Variants in SEPTIN6 observed in about 807,000 individuals in gnomAD.
The protein encoded by SEPTIN6 is septin-6.
Under a neutral mutation model 33.6 loss-of-function variants are expected in SEPTIN6, and 8 were observed. The observed-to-expected ratio is 0.24, with a 90% CI of 0.14 to 0.43. The LOEUF is 0.43. Ranked by LOEUF, SEPTIN6 falls within the 20% of genes least tolerant of loss-of-function variation. The pLI, the probability that SEPTIN6 is intolerant of heterozygous loss-of-function variation, is 1.00. For synonymous variants in SEPTIN6, 131 were observed against 140.0 expected, an observed-to-expected ratio of 0.94 and a Z score of 0.45; for missense variants, 250 against 340.8, an observed-to-expected ratio of 0.73 and a Z score of 2.10.
intron 6 of SEPTIN6, among the ~76,000 whole-genome samples, chrX:119,637,598 C>A (rs2054085863): frequency 9.2e-6 from 1 of 108,413 alleles, no homozygotes; most frequent in African/African-American, 3.4e-5. Flanking sequence ...TCCACTCATC[C>A]ATCCATCCAT....
chrX:119,663,653 G>C lies in SEPTIN6; in HGVS notation c.170C>G (p.Thr57Ser). 3.3e-6 allele frequency: 4 copies of C among 1,207,867 alleles called. No homozygotes were observed. The highest frequency in any genetic ancestry group is 4.5e-6 in the Non-Finnish European group (4 of 893,296). Residue 57 changes from threonine (T) to serine (S), a missense_variant, in exon 3 of 11, where the codon ACC becomes AGC. Transcript: ENST00000394610. ...GGTGTTGAACAGGGTGTCCATGAGGGTGGACTTGCCCAAACCTGTCTCTCC... is the reference window on the plus strand; with the variant it reads ...GGTGTTGAACAGGGTGTCCATGAGGCTGGACTTGCCCAAACCTGTCTCTCC... ...CVGETGLGKS[T>S]LMDTLFNTKF... is the part of the protein sequence containing the mutation.
At chrX:119,658,251 G>A (rs1368936288) in intron 3 of SEPTIN6, among the ~76,000 whole-genome samples, 1 of 111,922 alleles carries the variant, frequency 8.9e-6, no homozygotes. Context: ...AATATTTGTG[G>A]TTTTATTGGA....
Position 119,652,907 on chromosome X carries a change from C to T in SEPTIN6, c.475G>A (p.Gly159Ser). The change falls in exon 4 of 11, where the codon GGT becomes AGT. Residue 159 changes from glycine (G) to serine (S), a missense_variant. By Grantham distance (56) the Gly-to-Ser change is moderately conservative. Coordinates refer to ENST00000394610, the MANE Select transcript of SEPTIN6 (RefSeq NM_145799.4). ...AGGTCCAGAGACTTCAGGGAATGAC[C>T]CGTGGGGGCAATGAAATACAAGCAG... ...HVCLYFIAPT[G>S]HSLKSLDLVT... 1 of 1,210,262 alleles carries T rather than the reference C, an allele frequency of 8.3e-7. No individual in the cohort carries two copies. Among genetic ancestry groups the T allele is most frequent in the Non-Finnish European group, 1.1e-6 (1 of 894,906 alleles).
intron 2 of SEPTIN6, among the ~76,000 whole-genome samples, chrX:119,669,433 G>C (rs2147604878): frequency 8.9e-6 from 1 of 112,370 alleles, no homozygotes; most frequent in South Asian, 3.7e-4. Flanking sequence ...TGCCCAAAAG[G>C]AAACATTCCA....
intron 2 of SEPTIN6, among the ~76,000 whole-genome samples, chrX:119,673,769 A>G (rs972599355): frequency 7.2e-4 from 73 of 101,607 alleles, no homozygotes; most frequent in African/African-American, 2.3e-3. Context: ...TTGAACCCGG[A>G]AGGTGGAGGT....
chrX:119,654,160 G>A (rs914148040), intron 3 of SEPTIN6, among the ~76,000 whole-genome samples: 2 of 111,211 alleles, frequency 1.8e-5, no homozygotes, highest in Non-Finnish European at 3.8e-5. Flanking sequence ...ACACAGGCCC[G>A]CCAGCTCACT....
At chrX:119,645,011 G>A (rs1367161405) in intron 5 of SEPTIN6, among the ~76,000 whole-genome samples, 2 of 104,245 alleles carry the variant, frequency 1.9e-5, no homozygotes, top group Non-Finnish European at 3.9e-5. Context: ...GGGTTCAAGC[G>A]ATTATCTTGC....
chrX:119,684,593 T>C (rs2055023503), intron 1 of SEPTIN6, among the ~76,000 whole-genome samples: 1 of 105,664 alleles, frequency 9.5e-6, no homozygotes, highest in Admixed American at 1.0e-4. Context: ...AGGGTTCAAG[T>C]GATTCTCCTA....
intron 2 of SEPTIN6, among the ~76,000 whole-genome samples, chrX:119,672,591 A>ACAGG (rs755805173): frequency 8.9e-6 from 1 of 112,397 alleles, no homozygotes; most frequent in South Asian, 3.7e-4. Flanking sequence ...CAACTTCAGT[A>ACAGG]CAGGTCATAT....
In SEPTIN6 at chrX:119,660,212, G is replaced by A. The variant is rs765823261; in HGVS notation, c.341+3270C>T. 5.3e-5 allele frequency among the ~76,000 whole-genome samples: 6 copies of A among 112,237 alleles called. No individual in the cohort carries two copies. In the East Asian group the frequency reaches 1.4e-3, roughly 26 times the overall value. ...TAAATGGTAGCTTTCCGCAGTATCC[G>A]GCCTTAGTCATTCCTCTTCCTAGTT... On this transcript the variant is annotated intron_variant, in intron 3 of 10. Transcript: ENST00000394610.
chrX:119,629,795 A>T (rs1323751575), intron 8 of SEPTIN6, among the ~76,000 whole-genome samples: 1 of 112,302 alleles, frequency 8.9e-6, no homozygotes, highest in Non-Finnish European at 1.9e-5. Flanking sequence ...TAGTTACCAC[A>T]CATGGTCAAT....
intron 2 of SEPTIN6, among the ~76,000 whole-genome samples, chrX:119,667,148 T>A (rs891896511): frequency 2.1e-4 from 23 of 110,473 alleles, no homozygotes; most frequent in African/African-American, 7.6e-4. Context: ...GAATGCCCTG[T>A]AGCTCCTAGG....
At chrX:119,645,015 A>G (rs1172840867) in intron 5 of SEPTIN6, among the ~76,000 whole-genome samples, 1 of 91,720 alleles carries the variant, frequency 1.1e-5, no homozygotes, top group African/African-American at 4.1e-5. Flanking sequence ...TCAAGCGATT[A>G]TCTTGCCTCA....
At chrX:119,676,806 T>G (rs745322814) in intron 1 of SEPTIN6, among the ~76,000 whole-genome samples, 8 of 111,671 alleles carry the variant, frequency 7.2e-5, no homozygotes, top group African/African-American at 2.6e-4. Flanking sequence ...CTCTAGAGCA[T>G]TTTGAGGACC....
intron 3 of SEPTIN6, among the ~76,000 whole-genome samples, chrX:119,662,516 TA>T (rs2054566392): frequency 8.9e-6 from 1 of 111,795 alleles, no homozygotes; most frequent in African/African-American, 3.3e-5. Context: ...ACTCAGTATT[TA>T]GCAAATCTGT....
intron 1 of SEPTIN6, among the ~76,000 whole-genome samples, chrX:119,677,384 C>CA (rs2147629978): frequency 8.9e-6 from 1 of 112,318 alleles, no homozygotes; most frequent in South Asian, 3.7e-4. Flanking sequence ...AAATACCAAC[C>CA]AACGGCCACA....
At chrX:119,639,009 C>T (rs1163200220) in intron 6 of SEPTIN6, among the ~76,000 whole-genome samples, 2 of 112,494 alleles carry the variant, frequency 1.8e-5, no homozygotes, top group Non-Finnish European at 3.8e-5. Flanking sequence ...TCTCAGACCA[C>T]AAGTCCATTC....
rs767843030 is a variant in SEPTIN6 at position 119,656,743 on chromosome X, G to A, written c.342-3703C>T. Among the ~76,000 whole-genome samples, 12 of 110,572 alleles carry A rather than the reference G, an allele frequency of 1.1e-4. No individual in the cohort carries two copies. The East Asian group carries it at 3.1e-3, about 29-fold the overall frequency. ...TCTACTAAAAATATAATAATTAGCT[G>A]GGCATGGTGGCGTGCGCCTGTAATC... On this transcript the variant is annotated intron_variant, in intron 3 of 10. Transcript: ENST00000394610.
chrX:119,645,534 A>G (rs1240853328), intron 5 of SEPTIN6, among the ~76,000 whole-genome samples: 1 of 110,686 alleles, frequency 9.0e-6, no homozygotes, highest in African/African-American at 3.3e-5. Context: ...AGTAGCTGGG[A>G]TTATAGGCAT....
Sources: allele counts gnomAD v4.1 joint callset (sites outside exome capture counted in the v4.1 genomes callset), GRCh38; gene constraint gnomAD v4.1.1; transcripts MANE v1.5; gene names NCBI Gene and HGNC (gene_info 2026-07-23, HGNC 2026-07-21).